RELN: variants seen among roughly 807,000 people sequenced by gnomAD.
The protein encoded by RELN is reelin.
RELN carries 108 observed loss-of-function variants against 427.6 expected under a neutral mutation model. That is an observed-to-expected ratio of 0.25 (90% confidence interval 0.22 to 0.30). The LOEUF is 0.30. Among genes scored for constraint, RELN ranks in the 10% least tolerant of loss-of-function variants. The pLI is 1.00. For synonymous variants in RELN, 1,524 were observed against 1,513.4 expected (o/e 1.01, Z -0.16); for missense variants, 3,715 against 4,302.8 (o/e 0.86, Z 3.82).
At chr7:103,715,939 T>C (rs1789926385) in intron 8 of RELN, among the ~76,000 whole-genome samples, 1 of 152,220 alleles carries the variant, frequency 6.6e-6, no homozygotes, top group South Asian at 2.1e-4. Context: ...CGAATGCTCA[T>C]GCCTGGCCCA....
chr7:103,491,942 A>C lies in RELN; in HGVS notation c.9443+11T>G. 1 of 1,605,526 alleles carries C rather than the reference A, an allele frequency of 6.2e-7. No homozygotes were observed. The highest frequency in any genetic ancestry group is 2.2e-5 in the East Asian group (1 of 44,744). On this transcript the variant is annotated intron_variant, in intron 58 of 64. Coordinates refer to ENST00000428762, the MANE Select transcript of RELN (RefSeq NM_005045.4). ...AAGTTTGAAGATAATGTTAAAAATT[A>C]TTTCACAAACCTTGCATCCTTAGTG... is the stretch of plus-strand genomic sequence containing the variant.
At position 103,843,439 on chromosome 7, in the gene RELN, A is replaced by G. The variant is rs528136287; in HGVS notation, c.338-9767T>C. ...TGAGTGGCATCTGAACACAGGTTCC[A>G]CTACATTGTCTGCTGGCTTCCTCCC... On this transcript the variant is annotated intron_variant, in intron 2 of 64. Transcript: ENST00000428762. Among the ~76,000 whole-genome samples the G allele has an allele frequency of 1.1e-4, 16 of 152,312 alleles. No homozygotes were observed. The South Asian group carries it at 3.3e-3, about 32-fold the overall frequency.
chr7:103,816,478 A>C (rs1792872294), intron 3 of RELN, among the ~76,000 whole-genome samples: 1 of 151,918 alleles, frequency 6.6e-6, no homozygotes, highest in Admixed American at 6.6e-5. Flanking sequence ...AGTATCTCCC[A>C]AAAGAAAACA....
Position 103,917,096 on chromosome 7 carries a change from C to T in RELN, c.316G>A (p.Gly106Ser), listed in dbSNP as rs761478356. 6.2e-7 allele frequency: 1 copy of T among 1,613,348 alleles called. No individual in the cohort carries two copies. The highest frequency in any genetic ancestry group is 1.1e-5 in the South Asian group (1 of 91,074). Residue 106 changes from glycine to serine, a missense_variant, in exon 2 of 65, where the codon GGT becomes AGT. Coordinates refer to ENST00000428762, the MANE Select transcript of RELN (RefSeq NM_005045.4). ...TSVQASQSIG[G>S]SSAFGFGIMS... is the part of the protein sequence containing the mutation. Reference sequence around the variant, plus strand: ...TTACCAAATCCGAAAGCACTGGAACCTCCAATGCTCTGTGATGCCTGAACA... The same window carrying T: ...TTACCAAATCCGAAAGCACTGGAACTTCCAATGCTCTGTGATGCCTGAACA...
chr7:103,870,931 T>C (rs1794317296), intron 2 of RELN, among the ~76,000 whole-genome samples: 1 of 152,122 alleles, frequency 6.6e-6, no homozygotes, highest in Admixed American at 6.6e-5. Context: ...AATTGTGATC[T>C]CTACCTCTTC....
chr7:103,564,237 G>T (rs1304722913), intron 34 of RELN, among the ~76,000 whole-genome samples: 1 of 152,220 alleles, frequency 6.6e-6, no homozygotes, highest in Admixed American at 6.5e-5. Context: ...TTGGCTTCCT[G>T]AATTTTCCCT....
rs772869992 is a variant in RELN at position 103,519,364 on chromosome 7, G to T, written c.7821C>A (p.Asn2607Lys). 9 of 1,614,052 alleles carry T rather than the reference G, an allele frequency of 5.6e-6. No homozygotes were observed. The highest frequency in any genetic ancestry group is 7.6e-6 in the Non-Finnish European group (9 of 1,179,972). ...GGTCATAGAAAATCTCCATGAGCAG[G>T]TTCCAGGTAATGCCTCCATTGACAG... ...EYSVNGGITW[N>K]LLMEIFYDQY... is the part of the protein sequence containing the mutation. Residue 2607 changes from asparagine (N) to lysine (K), a missense_variant, in exon 49 of 65, where the codon AAC becomes AAA. Asn to Lys is a moderately conservative substitution (Grantham distance 94). Coordinates refer to ENST00000428762, the MANE Select transcript of RELN (RefSeq NM_005045.4).
chr7:103,898,559 A>T (rs190725581), intron 2 of RELN, among the ~76,000 whole-genome samples: 40 of 152,250 alleles, frequency 2.6e-4, no homozygotes, highest in Non-Finnish European at 5.3e-4. Flanking sequence ...ACTAAAAACA[A>T]CAATAAATAT....
intron 3 of RELN, among the ~76,000 whole-genome samples, chr7:103,801,852 G>A (rs116507383): frequency 0.01 from 1,587 of 152,304 alleles, 31 homozygotes; most frequent in African/African-American, 0.035. Flanking sequence ...TAAGTTCTCA[G>A]TATGTGTTAG....
intron 3 of RELN, among the ~76,000 whole-genome samples, chr7:103,789,569 A>T (rs1323566200): frequency 3.3e-5 from 5 of 152,220 alleles, no homozygotes; most frequent in African/African-American, 1.2e-4. Flanking sequence ...ACAGCCAACA[A>T]ACATATGAAA....
chr7:103,514,971 T>C (rs772960241), intron 50 of RELN, among the ~76,000 whole-genome samples: 2 of 152,112 alleles, frequency 1.3e-5, no homozygotes, highest in Non-Finnish European at 2.9e-5. Flanking sequence ...GATTGCTATA[T>C]ATAAAAACAC....
chr7:103,615,906 G>A (rs1832068493), intron 20 of RELN, among the ~76,000 whole-genome samples: 2 of 152,048 alleles, frequency 1.3e-5, no homozygotes, highest in African/African-American at 4.8e-5. Context: ...TCTTCCCAGA[G>A]CCTCTTTCCC....
At chr7:103,788,386 A>T (rs1013880485) in intron 3 of RELN, among the ~76,000 whole-genome samples, 1 of 152,246 alleles carries the variant, frequency 6.6e-6, no homozygotes, top group Admixed American at 6.5e-5. Flanking sequence ...TTAGGAAAAG[A>T]GGACATCAAA....
intron 10 of RELN, among the ~76,000 whole-genome samples, chr7:103,689,584 C>T (rs557355547): frequency 7.2e-5 from 11 of 152,182 alleles, no homozygotes; most frequent in African/African-American, 1.2e-4. Context: ...CCACCAAAGA[C>T]GAGCGTAAAC....
intron 1 of RELN, among the ~76,000 whole-genome samples, chr7:103,926,103 T>TTTTTTG (rs1795728691): frequency 7.4e-6 from 1 of 134,438 alleles, no homozygotes; most frequent in Non-Finnish European, 1.6e-5. Flanking sequence ...CCCCGCCTTT[T>TTTTTTG]TTTTTTTTTT....
At chr7:103,477,885 C>T (rs1306990256) in intron 64 of RELN, among the ~76,000 whole-genome samples, 1 of 152,188 alleles carries the variant, frequency 6.6e-6, no homozygotes, top group Non-Finnish European at 1.5e-5. Flanking sequence ...ACATCTACTC[C>T]GTCTGCCAAT....
chr7:103,508,294 T>C (rs1427711333), intron 51 of RELN, among the ~76,000 whole-genome samples: 1 of 152,046 alleles, frequency 6.6e-6, no homozygotes, highest in Non-Finnish European at 1.5e-5. Context: ...GATAAAATAC[T>C]GGCAAACCAA....
chr7:103,567,187 C>T (rs1054101399), intron 31 of RELN, among the ~76,000 whole-genome samples: 3 of 152,186 alleles, frequency 2.0e-5, no homozygotes, highest in Non-Finnish European at 2.9e-5. Context: ...CAGTAAGCAC[C>T]GCCTGGTATG....
At chr7:103,740,332 T>A (rs1231376231) in intron 6 of RELN, among the ~76,000 whole-genome samples, 3 of 152,216 alleles carry the variant, frequency 2.0e-5, no homozygotes, top group Non-Finnish European at 2.9e-5. Flanking sequence ...CCAGAAGGAC[T>A]CACAGAAACT....
Sources: gnomAD v4.1 joint callset for allele counts (sites outside exome capture counted in the v4.1 genomes callset) on GRCh38, gnomAD v4.1.1 for gene constraint, MANE v1.5 for transcripts, NCBI Gene and HGNC (gene_info 2026-07-23, HGNC 2026-07-21) for gene names.